ATXN1: variants seen among roughly 807,000 people sequenced by gnomAD.
The protein encoded by ATXN1 is ataxin-1.
A neutral mutation model predicts 56.4 loss-of-function variants in ATXN1; 8 were observed. The observed-to-expected ratio is 0.14, with a 90% CI of 0.08 to 0.26. The LOEUF (loss-of-function observed/expected upper bound fraction) is 0.26. Ranked by LOEUF, ATXN1 falls within the 10% of genes least tolerant of loss-of-function variation. The pLI is 1.00. For synonymous variants in ATXN1, 514 were observed against 494.6 expected, an observed-to-expected ratio of 1.04 and a Z score of -0.52; for missense variants, 987 against 1,106.5, an observed-to-expected ratio of 0.89 and a Z score of 1.53.
At chr6:16,613,126 G>A (rs1325322056) in intron 3 of ATXN1, among the ~76,000 whole-genome samples, 12 of 148,850 alleles carry the variant, frequency 8.1e-5, no homozygotes, top group East Asian at 2.0e-4. Flanking sequence ...TTAGCCGGGC[G>A]CGGTGGCGGG....
intron 6 of ATXN1, among the ~76,000 whole-genome samples, chr6:16,342,568 C>T (rs551527056): frequency 6.6e-6 from 1 of 152,120 alleles, no homozygotes; most frequent in African/African-American, 2.4e-5. Flanking sequence ...ATTCCACACC[C>T]GTGTTCATAG....
At chr6:16,587,501 T>G (rs1762646093) in intron 3 of ATXN1, among the ~76,000 whole-genome samples, 1 of 152,218 alleles carries the variant, frequency 6.6e-6, no homozygotes. Flanking sequence ...AACAAAATTA[T>G]GTATGGGTCC....
intron 4 of ATXN1, among the ~76,000 whole-genome samples, chr6:16,570,935 G>T (rs1428195231): frequency 6.6e-6 from 1 of 151,040 alleles, no homozygotes; most frequent in Non-Finnish European, 1.5e-5. Context: ...ATAATTATGT[G>T]CTTCCTGTGT....
intron 4 of ATXN1, among the ~76,000 whole-genome samples, chr6:16,537,100 G>A (rs963736753): frequency 5.4e-5 from 8 of 148,580 alleles, no homozygotes; most frequent in African/African-American, 2.0e-4. Flanking sequence ...AAAGATTTAA[G>A]GAAAACGTAC....
At chr6:16,598,798 T>C (rs548612132) in intron 3 of ATXN1, among the ~76,000 whole-genome samples, 1 of 152,222 alleles carries the variant, frequency 6.6e-6, no homozygotes, top group African/African-American at 2.4e-5. Context: ...TCTGCTCCAG[T>C]GCACAAAAAG....
chr6:16,390,171 C>G (rs1030708528), intron 6 of ATXN1, among the ~76,000 whole-genome samples: 2 of 152,218 alleles, frequency 1.3e-5, no homozygotes, highest in African/African-American at 4.8e-5. Flanking sequence ...CCTACTGCTA[C>G]TAGTACTCTA....
chr6:16,430,455 T>C (rs777909966), intron 6 of ATXN1, among the ~76,000 whole-genome samples: 2 of 152,090 alleles, frequency 1.3e-5, no homozygotes, highest in Non-Finnish European at 2.9e-5. Flanking sequence ...CAAAGGAAGG[T>C]TCTGTATACA....
At chr6:16,622,636 AG>A (rs375949361) in intron 3 of ATXN1, among the ~76,000 whole-genome samples, 28 of 152,240 alleles carry the variant, frequency 1.8e-4, no homozygotes, top group African/African-American at 5.5e-4. Flanking sequence ...AATTTTTAAA[AG>A]TAAGAGTGTT....
chr6:16,529,573 A>G (rs1761462094), intron 4 of ATXN1, among the ~76,000 whole-genome samples: 1 of 152,248 alleles, frequency 6.6e-6, no homozygotes, highest in African/African-American at 2.4e-5. Flanking sequence ...GTGCAGGAAT[A>G]ATAATGGCTC....
intron 2 of ATXN1, among the ~76,000 whole-genome samples, chr6:16,749,075 T>C (rs780896979): frequency 9.9e-5 from 15 of 152,206 alleles, no homozygotes; most frequent in Non-Finnish European, 1.9e-4. Flanking sequence ...GTCTAGTAGC[T>C]AGGTATATAC....
intron 6 of ATXN1, among the ~76,000 whole-genome samples, chr6:16,362,322 C>G (rs1459253203): frequency 6.6e-6 from 1 of 152,166 alleles, no homozygotes; most frequent in African/African-American, 2.4e-5. Flanking sequence ...AAACAAGAAG[C>G]TCCTTTAAGT....
intron 4 of ATXN1, among the ~76,000 whole-genome samples, chr6:16,561,511 A>T (rs1304962256): frequency 1.3e-5 from 2 of 152,204 alleles, no homozygotes; most frequent in Non-Finnish European, 2.9e-5. Context: ...AAACATTGAC[A>T]CAATATTTAC....
intron 4 of ATXN1, among the ~76,000 whole-genome samples, chr6:16,573,630 G>T (rs116212230): frequency 1.3e-5 from 2 of 151,996 alleles, no homozygotes; most frequent in Non-Finnish European, 2.9e-5. Flanking sequence ...ACATTCCTCC[G>T]CCAGGTCTTA....
chr6:16,564,862 C>T (rs983269015), intron 4 of ATXN1, among the ~76,000 whole-genome samples: 1 of 151,688 alleles, frequency 6.6e-6, no homozygotes, highest in Non-Finnish European at 1.5e-5. Context: ...TTTAAATAAG[C>T]TATGCAGTCC....
At chr6:16,618,841 G>C (rs1241461333) in intron 3 of ATXN1, among the ~76,000 whole-genome samples, 1 of 150,816 alleles carries the variant, frequency 6.6e-6, no homozygotes, top group Non-Finnish European at 1.5e-5. Flanking sequence ...ATCAACGTAA[G>C]TAAAATTCAA....
chr6:16,755,886 T>C (rs1760873339), intron 1 of ATXN1, among the ~76,000 whole-genome samples: 1 of 152,196 alleles, frequency 6.6e-6, no homozygotes, highest in Admixed American at 6.5e-5. Context: ...ATCATTACAT[T>C]TTCATTACTC....
chr6:16,471,688 C>CCTGTGTGT (rs148496016), intron 6 of ATXN1, among the ~76,000 whole-genome samples: 76 of 149,390 alleles, frequency 5.1e-4, no homozygotes, highest in Non-Finnish European at 9.8e-4. Flanking sequence ...TGCATGCATG[C>CCTGTGTGT]GTGTGTGTGT....
Position 16,761,391 on chromosome 6 carries a change from C to T in ATXN1, c.-823G>A, listed in dbSNP as rs1377877654. The T allele has an allele frequency of 1.5e-5, 7 of 456,422 alleles. No individual in the cohort carries two copies. Among genetic ancestry groups the T allele is most frequent in the African/African-American group, 1.0e-4 (5 of 49,980 alleles). 28.3% of individuals were successfully genotyped at this position (456,422 alleles called of 1,614,324 possible). On this transcript the variant is annotated 5_prime_UTR_variant, in exon 1 of 8. Transcript: ENST00000436367. ...GGCTGCTGTTGCTCTGGCTGCTGCT[C>T]CACGGGGCTTGTTTTGGATCCCCCT...
intron 4 of ATXN1, among the ~76,000 whole-genome samples, chr6:16,573,071 C>T (rs760556068): frequency 3.3e-5 from 5 of 152,144 alleles, no homozygotes; most frequent in Non-Finnish European, 5.9e-5. Context: ...CAATCTTTCC[C>T]TTCTTTTTAT....
Sources: allele counts gnomAD v4.1 joint callset (sites outside exome capture counted in the v4.1 genomes callset), GRCh38; gene constraint gnomAD v4.1.1; transcripts MANE v1.5; gene names NCBI Gene and HGNC (gene_info 2026-07-23, HGNC 2026-07-21).